Variants in CPEB1 observed in about 807,000 individuals in gnomAD.
CPEB1 encodes the protein cytoplasmic polyadenylation element-binding protein 1.
CPEB1 carries 7 observed loss-of-function variants against 65.8 expected under a neutral mutation model. The ratio of observed to expected loss-of-function variants is 0.11; its 90% CI spans 0.06 to 0.20. The LOEUF (loss-of-function observed/expected upper bound fraction) is 0.20, where lower values mean the gene tolerates loss of function less well. Among genes scored for constraint, CPEB1 ranks in the 10% least tolerant of loss-of-function variants. The probability of loss-of-function intolerance (pLI) is 1.00; values close to 1 mark genes in which losing one functional copy is unlikely to be tolerated. For missense variants in CPEB1, 551 were observed against 712.2 expected, an observed-to-expected ratio of 0.77 and a Z score of 2.58; for synonymous variants, 262 against 260.0, an observed-to-expected ratio of 1.01 and a Z score of -0.08.
chr15:82,572,579 C>A (rs1174670751), intron 3 of CPEB1, among the ~76,000 whole-genome samples: 1 of 152,180 alleles, frequency 6.6e-6, no homozygotes, highest in Non-Finnish European at 1.5e-5. Flanking sequence ...CCTCCTGCAA[C>A]TGTAGGCACA....
At chr15:82,611,387 C>T (rs2044140738) in intron 3 of CPEB1, among the ~76,000 whole-genome samples, 1 of 152,042 alleles carries the variant, frequency 6.6e-6, no homozygotes, top group African/African-American at 2.4e-5. Context: ...ACACTGAAAA[C>T]TGTAAGAAAT....
rs555176862 is a variant in CPEB1 at position 82,581,675 on chromosome 15, T to A, written c.272-10143A>T. ...TATCTCATTGCGGTGTACATTTTTT[T>A]TAAAAATTAGGTTGTACCCAAATGT... On this transcript the variant is annotated intron_variant, in intron 3 of 12. Coordinates refer to ENST00000684509, the MANE Select transcript of CPEB1 (RefSeq NM_001365242.1). 6.6e-5 allele frequency among the ~76,000 whole-genome samples: 10 copies of A among 152,340 alleles called. No individual in the cohort carries two copies. The South Asian group carries it at 1.0e-3, about 16-fold the overall frequency.
At chr15:82,646,457 G>C (rs758037125) in intron 1 of CPEB1, among the ~76,000 whole-genome samples, 4 of 152,156 alleles carry the variant, frequency 2.6e-5, no homozygotes, top group Non-Finnish European at 5.9e-5. Context: ...CAGGCGCGGG[G>C]CGGGGGAGGA....
intron 3 of CPEB1, among the ~76,000 whole-genome samples, chr15:82,605,867 T>C (rs1223090127): frequency 2.7e-5 from 4 of 150,556 alleles, no homozygotes; most frequent in African/African-American, 7.3e-5. Context: ...GAAGAATCCC[T>C]GTCTCTACTA....
At chr15:82,591,783 A>T (rs1254017571) in intron 3 of CPEB1, among the ~76,000 whole-genome samples, 5 of 152,054 alleles carry the variant, frequency 3.3e-5, no homozygotes, top group Non-Finnish European at 5.9e-5. Flanking sequence ...TACAATATTT[A>T]AAAATTTTTT....
chr15:82,567,282 G>C (rs2039292559), intron 4 of CPEB1, among the ~76,000 whole-genome samples: 4 of 152,110 alleles, frequency 2.6e-5, no homozygotes, highest in Admixed American at 2.0e-4. Flanking sequence ...CAGATCAATG[G>C]GGAGCCTGCA....
At chr15:82,646,382 G>A (rs976947944) in intron 1 of CPEB1, among the ~76,000 whole-genome samples, 5 of 152,176 alleles carry the variant, frequency 3.3e-5, no homozygotes, top group Admixed American at 6.5e-5. Flanking sequence ...GAGGCTGGGC[G>A]GTAGCCAGGG....
At chr15:82,576,881 G>A (rs28587782) in intron 3 of CPEB1, among the ~76,000 whole-genome samples, 25,649 of 151,974 alleles carry the variant, frequency 0.17, 2,259 homozygotes, top group African/African-American at 0.19. Context: ...AAAATCAGCC[G>A]GGCATGGTGG....
intron 3 of CPEB1, among the ~76,000 whole-genome samples, chr15:82,611,737 G>A (rs562725702): frequency 6.6e-6 from 1 of 151,070 alleles, no homozygotes. Context: ...ACAAAAACAC[G>A]ATGATCTAAT....
intron 10 of CPEB1, chr15:82,548,510 A>G (rs2035676557): frequency 2.2e-5 from 6 of 266,994 alleles, no homozygotes; most frequent in South Asian, 2.0e-4. Context: ...AAGAATTTGC[A>G]GATCAAGATG....
At chr15:82,601,617 T>A (rs1410798075) in intron 3 of CPEB1, among the ~76,000 whole-genome samples, 1 of 152,044 alleles carries the variant, frequency 6.6e-6, no homozygotes, top group African/African-American at 2.4e-5. Context: ...AAAACCAATA[T>A]CCCAACTATA....
chr15:82,546,384 C>T (rs62009918), intron 12 of CPEB1, 57 bp downstream of exon 12: 291,205 of 1,434,082 alleles, frequency 0.2, 32,986 homozygotes, highest in Non-Finnish European at 0.24. Flanking sequence ...TGTGAACCAC[C>T]GCGCCCAGCC....
chr15:82,607,801 A>G lies in CPEB1; in HGVS notation c.271+19392T>C, dbSNP rs114810105. Among the ~76,000 whole-genome samples the G allele has an allele frequency of 1.7e-3, 263 of 152,348 alleles. 3 individuals are homozygous for G. Among genetic ancestry groups the G allele is most frequent in the African/African-American group, 5.9e-3 (247 of 41,574 alleles). ...AAAAATTTAACAATTATAAACACCAATGAACCTAACACAGACCACCAAAAT... is the reference window on the plus strand; with the variant it reads ...AAAAATTTAACAATTATAAACACCAGTGAACCTAACACAGACCACCAAAAT... On this transcript the variant is annotated intron_variant, in intron 3 of 12. Transcript: ENST00000684509.
At chr15:82,583,224 C>G (rs1045837834) in intron 3 of CPEB1, 1 of 152,180 alleles carries the variant, frequency 6.6e-6, no homozygotes, top group East Asian at 1.9e-4. Context: ...ATCCAATCTA[C>G]TGCTTATGGT....
At chr15:82,594,970 C>G (rs1333554172) in intron 3 of CPEB1, among the ~76,000 whole-genome samples, 3 of 151,864 alleles carry the variant, frequency 2.0e-5, no homozygotes, top group African/African-American at 7.3e-5. Context: ...TGTGGCATGC[C>G]AAAACAATTA....
intron 3 of CPEB1, among the ~76,000 whole-genome samples, chr15:82,587,184 G>C (rs2041871556): frequency 6.6e-6 from 1 of 152,128 alleles, no homozygotes; most frequent in Admixed American, 6.5e-5. Flanking sequence ...GAGCCATTTA[G>C]GTAATTTTTT....
chr15:82,643,422 G>C (rs2047255844), intron 1 of CPEB1, among the ~76,000 whole-genome samples: 4 of 152,186 alleles, frequency 2.6e-5, no homozygotes, highest in South Asian at 4.1e-4. Context: ...ACGAGGTCAG[G>C]AGTTCGAGAC....
At chr15:82,605,992 C>G (rs909976132) in intron 3 of CPEB1, among the ~76,000 whole-genome samples, 1 of 151,918 alleles carries the variant, frequency 6.6e-6, no homozygotes, top group South Asian at 2.1e-4. Context: ...GAGGCGAGAT[C>G]GCGCCATTGT....
intron 10 of CPEB1, among the ~76,000 whole-genome samples, chr15:82,547,587 C>T (rs2035483030): frequency 1.3e-5 from 2 of 152,180 alleles, no homozygotes; most frequent in South Asian, 4.1e-4. Flanking sequence ...AGCCACCGAG[C>T]CTGCCCTAAT....
Sources: gnomAD v4.1 joint callset for allele counts (sites outside exome capture counted in the v4.1 genomes callset) on GRCh38, gnomAD v4.1.1 for gene constraint, MANE v1.5 for transcripts, NCBI Gene and HGNC (gene_info 2026-07-23, HGNC 2026-07-21) for gene names.